Variants in SCG3 observed in about 807,000 individuals in gnomAD.
SCG3 encodes the protein secretogranin III, also known as secretogranin-3.
In SCG3, 38 loss-of-function variants were observed where a neutral mutation model predicts 56.2. The observed-to-expected ratio is 0.68, with a 90% CI of 0.52 to 0.89. The LOEUF (loss-of-function observed/expected upper bound fraction) is 0.89. Among genes scored for constraint, SCG3 ranks in the 40% least tolerant of loss-of-function variants. SCG3 has a pLI of 0.00. For missense variants in SCG3, 524 were observed against 540.7 expected (o/e 0.97, Z 0.31); for synonymous variants, 176 against 184.2 (o/e 0.96, Z 0.36).
intron 6 of SCG3, 76 bp downstream of exon 6, chr15:51,689,444 T>C: frequency 6.9e-7 from 1 of 1,452,906 alleles, no homozygotes. Flanking sequence ...CTTCTATCTG[T>C]ATAATAATTG....
chr15:51,713,485 C>A, intron 11 of SCG3, 72 bp downstream of exon 11: 1 of 1,053,304 alleles, frequency 9.5e-7, no homozygotes. Flanking sequence ...TAAAAATTCC[C>A]ACAGTCAAAT....
intron 10 of SCG3, 71 bp downstream of exon 10, chr15:51,701,315 T>TCTTTG: frequency 2.7e-6 from 4 of 1,466,130 alleles, no homozygotes; most frequent in South Asian, 1.4e-5. Flanking sequence ...CAAGGGAGGG[T>TCTTTG]GATCCAAAGA....
chr15:51,688,226 C>T (rs1749321309), intron 4 of SCG3, 34 bp from the exon 5 acceptor site: 1 of 1,589,574 alleles, frequency 6.3e-7, no homozygotes, highest in African/African-American at 1.3e-5. Flanking sequence ...GATCTATGAT[C>T]ACTATGGTGT....
intron 10 of SCG3, among the ~76,000 whole-genome samples, chr15:51,704,764 CATATATAT>C (rs56192434): frequency 0.018 from 1,234 of 67,042 alleles, 106 homozygotes; most frequent in East Asian, 0.051. Flanking sequence ...GTGAGTAATA[CATATATAT>C]ATATATATAT....
chr15:51,692,544 T>C lies in SCG3; in HGVS notation c.868+208T>C, dbSNP rs143312040. 5.9e-5 allele frequency among the ~76,000 whole-genome samples: 9 copies of C among 152,294 alleles called. No individual in the cohort carries two copies. In the East Asian group the frequency reaches 1.7e-3, roughly 29 times the overall value. On this transcript the variant is annotated intron_variant, in intron 7 of 11. Coordinates refer to ENST00000220478, the MANE Select transcript of SCG3 (RefSeq NM_013243.4). ...ATTTAGGAAAGGTGATGTTTCTGGATAATTTAATCTTCTTGTTAACAGAAG... is the reference window on the plus strand; with the variant it reads ...ATTTAGGAAAGGTGATGTTTCTGGACAATTTAATCTTCTTGTTAACAGAAG...
intron 10 of SCG3, among the ~76,000 whole-genome samples, chr15:51,701,863 C>T (rs1187823954): frequency 6.6e-6 from 1 of 151,836 alleles, no homozygotes; most frequent in Non-Finnish European, 1.5e-5. Flanking sequence ...ATACTCCAGC[C>T]TAGGTGACAC....
At position 51,719,683 on chromosome 15, in the gene SCG3, T is replaced by C; in HGVS notation, c.*157T>C. 2 of 567,790 alleles carry C rather than the reference T, an allele frequency of 3.5e-6. No individual in the cohort carries two copies. Among genetic ancestry groups the C allele is most frequent in the Non-Finnish European group, 3.1e-6 (1 of 322,304 alleles). The allele number at this position is 567,790 out of a possible 1,614,324, so 35.2% of individuals were successfully genotyped here. On this transcript the variant is annotated 3_prime_UTR_variant, in exon 12 of 12. Coordinates refer to ENST00000220478, the MANE Select transcript of SCG3 (RefSeq NM_013243.4). ...CTTTTACAAGTGGTTAAAACATAGC[T>C]TTCTTCCCGTAAAAACTATCTGAAA...
intron 10 of SCG3, among the ~76,000 whole-genome samples, chr15:51,704,270 T>C (rs907296799): frequency 7.5e-6 from 1 of 132,610 alleles, no homozygotes; most frequent in Non-Finnish European, 1.5e-5. Flanking sequence ...TATATATATA[T>C]ATATATATAA....
At chr15:51,716,363 G>A (rs74015713) in intron 11 of SCG3, among the ~76,000 whole-genome samples, 159 of 152,272 alleles carry the variant, frequency 1.0e-3, no homozygotes, top group African/African-American at 3.7e-3. Context: ...TGTATGTTCA[G>A]CTTCGTTCTC....
intron 11 of SCG3, among the ~76,000 whole-genome samples, chr15:51,716,210 C>T (rs2055454735): frequency 6.6e-6 from 1 of 152,102 alleles, no homozygotes; most frequent in Non-Finnish European, 1.5e-5. Flanking sequence ...CGGGAGTCTG[C>T]CTTTTATTCC....
intron 4 of SCG3, 100 bp from the exon 5 acceptor site, chr15:51,688,160 A>G: frequency 8.8e-7 from 1 of 1,141,114 alleles, no homozygotes; most frequent in Non-Finnish European, 1.2e-6. Context: ...TTTCAAACAT[A>G]TCTGAATATA....
At chr15:51,706,417 CG>C (rs1315939751) in intron 10 of SCG3, among the ~76,000 whole-genome samples, 1 of 152,142 alleles carries the variant, frequency 6.6e-6, no homozygotes, top group East Asian at 1.9e-4. Context: ...ACACATATCC[CG>C]CTTGTTGATG....
chr15:51,709,701 A>ATTTTT (rs869162420), intron 10 of SCG3, among the ~76,000 whole-genome samples: 2 of 22,962 alleles, frequency 8.7e-5, no homozygotes, highest in Non-Finnish European at 1.3e-4. Flanking sequence ...ATATATATAT[A>ATTTTT]TTTTTTTTTT....
At chr15:51,683,770 G>A (rs79295361) in intron 4 of SCG3, among the ~76,000 whole-genome samples, 3,229 of 152,160 alleles carry the variant, frequency 0.021, 91 homozygotes, top group East Asian at 0.095. Context: ...AATTAGATCA[G>A]TAAAGTACCC....
intron 10 of SCG3, chr15:51,708,353 C>T (rs1032910508): frequency 6.6e-6 from 1 of 152,214 alleles, no homozygotes; most frequent in African/African-American, 2.4e-5. Flanking sequence ...CCCATTGTTG[C>T]CAATGCTCTT....
chr15:51,700,782 T>C (rs1392879464), intron 9 of SCG3, among the ~76,000 whole-genome samples: 1 of 144,404 alleles, frequency 6.9e-6, no homozygotes, highest in Non-Finnish European at 1.5e-5. Context: ...AGACAAAGAA[T>C]ATGCCCTCTA....
intron 10 of SCG3, among the ~76,000 whole-genome samples, chr15:51,703,197 C>G (rs1293369315): frequency 6.6e-6 from 1 of 152,122 alleles, no homozygotes; most frequent in African/African-American, 2.4e-5. Context: ...CATGGTATAG[C>G]TCTTAATTTT....
At chr15:51,699,603 T>C (rs549191489) in intron 9 of SCG3, among the ~76,000 whole-genome samples, 4 of 152,254 alleles carry the variant, frequency 2.6e-5, no homozygotes, top group East Asian at 3.9e-4. Context: ...TCAAAAAACA[T>C]TGAAAAATAA....
chr15:51,699,344 T>C lies in SCG3; in HGVS notation c.1011T>C (p.Leu337=). The change falls in exon 9 of 12, where the codon CTT becomes CTC. Residue 337 remains leucine (L), a synonymous_variant. Coordinates refer to ENST00000220478, the MANE Select transcript of SCG3 (RefSeq NM_013243.4). The part of the protein sequence containing the change: ...YLENLDEMIA[L]QTKNKLEKNA... Reference sequence around the variant, plus strand: ...AAAACTTGGATGAAATGATTGCTCTTCAGACCAAAAACAAGCTAGAAAAAA... The same window carrying C: ...AAAACTTGGATGAAATGATTGCTCTCCAGACCAAAAACAAGCTAGAAAAAA... The C allele has an allele frequency of 6.2e-7, 1 of 1,608,646 alleles. No individual in the cohort carries two copies. Among genetic ancestry groups the C allele is most frequent in the Non-Finnish European group, 8.5e-7 (1 of 1,178,536 alleles).
Sources: allele counts gnomAD v4.1 joint callset (sites outside exome capture counted in the v4.1 genomes callset), GRCh38; gene constraint gnomAD v4.1.1; transcripts MANE v1.5; gene names NCBI Gene and HGNC (gene_info 2026-07-23, HGNC 2026-07-21).